Variants in GABRB1 observed in about 807,000 individuals in gnomAD.
GABRB1 encodes gamma-aminobutyric acid type A receptor subunit beta1, also known as gamma-aminobutyric acid receptor subunit beta-1.
A neutral mutation model predicts 51.6 loss-of-function variants in GABRB1; 17 were observed. The observed-to-expected ratio is 0.33, with a 90% confidence interval of 0.23 to 0.49. The LOEUF (loss-of-function observed/expected upper bound fraction) is 0.49, where lower values mean the gene tolerates loss of function less well. Among genes scored for constraint, GABRB1 ranks in the 20% least tolerant of loss-of-function variants. The pLI is 0.99. For synonymous variants in GABRB1, 247 were observed against 218.9 expected (o/e 1.13, Z -1.14); for missense variants, 410 against 600.6 (o/e 0.68, Z 3.32).
At chr4:47,356,541 A>C (rs1726585608) in intron 5 of GABRB1, among the ~76,000 whole-genome samples, 1 of 152,226 alleles carries the variant, frequency 6.6e-6, no homozygotes, top group Admixed American at 6.5e-5. Context: ...GGACAAAATA[A>C]GAAACAGGGA....
chr4:47,151,141 G>C (rs1717427201), intron 3 of GABRB1, among the ~76,000 whole-genome samples: 1 of 151,896 alleles, frequency 6.6e-6, no homozygotes, highest in South Asian at 2.1e-4. Context: ...CTGATATTAA[G>C]GTTTCCAAAT....
chr4:47,388,360 C>T (rs1727872873), intron 5 of GABRB1, among the ~76,000 whole-genome samples: 1 of 152,138 alleles, frequency 6.6e-6, no homozygotes, highest in African/African-American at 2.4e-5. Flanking sequence ...AGAAAAGTCA[C>T]TCTGGGAATT....
intron 4 of GABRB1, among the ~76,000 whole-genome samples, chr4:47,180,175 CA>C (rs575372491): frequency 9.9e-5 from 15 of 151,874 alleles, no homozygotes; most frequent in South Asian, 4.1e-4. Context: ...CACCCTGATA[CA>C]GAGGATGCTC....
chr4:47,372,911 C>T (rs1727249886), intron 5 of GABRB1, among the ~76,000 whole-genome samples: 1 of 152,188 alleles, frequency 6.6e-6, no homozygotes, highest in Non-Finnish European at 1.5e-5. Context: ...TCCTCACTCC[C>T]TCCCCATACT....
In GABRB1 at chr4:47,072,043, G is replaced by GA. The variant is rs60313691; in HGVS notation, c.240+39573dup. ...GTAATCTCTTAGTCATCAGTTAAGGGAAAAAAAAAAAAAACAAGTAGAAGT... is the reference window on the plus strand; with the variant it reads ...GTAATCTCTTAGTCATCAGTTAAGGGAAAAAAAAAAAAAAACAAGTAGAAGT... On this transcript the variant is annotated intron_variant, in intron 3 of 8. Transcript: ENST00000295454. Among the ~76,000 whole-genome samples, 358 of 140,756 alleles carry GA rather than the reference G, an allele frequency of 2.5e-3. 2 individuals are homozygous for GA. The highest frequency in any genetic ancestry group is 0.011 in the Middle Eastern group (3 of 270). The allele number at this position is 140,756 out of a possible 152,430, so 92.3% of individuals were successfully genotyped here.
At chr4:47,196,885 T>C (rs1421070526) in intron 4 of GABRB1, among the ~76,000 whole-genome samples, 2 of 152,248 alleles carry the variant, frequency 1.3e-5, no homozygotes, top group Non-Finnish European at 2.9e-5. Context: ...TCCTTTACTT[T>C]CTTGTCTGTC....
intron 3 of GABRB1, among the ~76,000 whole-genome samples, chr4:47,146,132 G>T (rs188155945): frequency 1.3e-5 from 2 of 152,074 alleles, no homozygotes; most frequent in Admixed American, 1.3e-4. Flanking sequence ...GCTGAACCTT[G>T]ATTTCCACTC....
At chr4:47,325,031 C>T (rs1429707656) in intron 5 of GABRB1, among the ~76,000 whole-genome samples, 5 of 152,226 alleles carry the variant, frequency 3.3e-5, no homozygotes. Flanking sequence ...ACCATTGTAG[C>T]TGCCTTTTAC....
At chr4:47,043,179 T>C (rs1284152217) in intron 3 of GABRB1, 1 of 152,048 alleles carries the variant, frequency 6.6e-6, no homozygotes, top group Non-Finnish European at 1.5e-5. Flanking sequence ...GAGGTTAATA[T>C]TGGCCAACTG....
chr4:47,008,882 T>TTTTTTTTTTTTTTTTTTG (rs1462770909), intron 1 of GABRB1, among the ~76,000 whole-genome samples: 1 of 131,954 alleles, frequency 7.6e-6, no homozygotes, highest in Non-Finnish European at 1.6e-5. Context: ...TTTTTTTTTT[T>TTTTTTTTTTTTTTTTTTG]GAGACGAGTC....
chr4:47,007,066 GGAGGCC>G (rs990698025), intron 1 of GABRB1, among the ~76,000 whole-genome samples: 1 of 152,046 alleles, frequency 6.6e-6, no homozygotes, highest in African/African-American at 2.4e-5. Context: ...CTTGAGCCTA[GGAGGCC>G]GAGGCTGTAG....
rs573114320 is a variant in GABRB1 at position 47,326,170 on chromosome 4, C to T, written c.544+5961C>T. On this transcript the variant is annotated intron_variant, in intron 5 of 8. Coordinates refer to ENST00000295454, the MANE Select transcript of GABRB1 (RefSeq NM_000812.4). The stretch of plus-strand genomic sequence containing the variant: ...TGTATATGCTGTCTATACTTCCTAC[C>T]TATTAATCATTGACACCATCTGCTC... Among the ~76,000 whole-genome samples the T allele has an allele frequency of 2.6e-5, 4 of 152,284 alleles. No individual in the cohort carries two copies. The East Asian group carries it at 7.7e-4, about 29-fold the overall frequency.
chr4:47,201,551 C>G (rs1359411295), intron 4 of GABRB1, among the ~76,000 whole-genome samples: 1 of 151,984 alleles, frequency 6.6e-6, no homozygotes, highest in African/African-American at 2.4e-5. Context: ...TTGTGGTTAC[C>G]TTTTATGAAA....
intron 4 of GABRB1, among the ~76,000 whole-genome samples, chr4:47,196,266 A>G (rs886899347): frequency 1.2e-4 from 19 of 152,258 alleles, no homozygotes; most frequent in African/African-American, 3.6e-4. Context: ...GCTGGGATAT[A>G]CGGTCAGCTT....
chr4:47,377,626 C>T (rs1279620521), intron 5 of GABRB1, among the ~76,000 whole-genome samples: 1 of 152,134 alleles, frequency 6.6e-6, no homozygotes, highest in Non-Finnish European at 1.5e-5. Context: ...CTTTTATTCT[C>T]TTATCTGGCC....
intron 4 of GABRB1, among the ~76,000 whole-genome samples, chr4:47,307,344 T>C (rs1724508847): frequency 6.6e-6 from 1 of 152,072 alleles, no homozygotes. Flanking sequence ...TTTTTAGGGA[T>C]TTATGCTCAC....
intron 1 of GABRB1, among the ~76,000 whole-genome samples, chr4:47,012,952 CA>C (rs1397513634): frequency 6.6e-6 from 1 of 152,186 alleles, no homozygotes; most frequent in Non-Finnish European, 1.5e-5. Context: ...GATTCTGCCA[CA>C]AAAATATAGT....
chr4:47,218,104 T>G (rs550058794), intron 4 of GABRB1, among the ~76,000 whole-genome samples: 4 of 152,026 alleles, frequency 2.6e-5, no homozygotes, highest in Non-Finnish European at 5.9e-5. Flanking sequence ...TTTCTGTGCC[T>G]GGTTTATTTC....
At position 47,119,892 on chromosome 4, in the gene GABRB1, G is replaced by T. The variant is rs562301020; in HGVS notation, c.241-41357G>T. Among the ~76,000 whole-genome samples the T allele has an allele frequency of 5.3e-5, 8 of 151,794 alleles. No homozygotes were observed. The East Asian group carries it at 1.5e-3, about 29-fold the overall frequency. On this transcript the variant is annotated intron_variant, in intron 3 of 8. Coordinates refer to ENST00000295454, the MANE Select transcript of GABRB1 (RefSeq NM_000812.4). ...GAAAAATAGTAACAGATTTTAAAAG[G>T]CTGTTTCAAAAAAAAAAGGGCATGT...
Sources: allele counts gnomAD v4.1 joint callset (sites outside exome capture counted in the v4.1 genomes callset), GRCh38; gene constraint gnomAD v4.1.1; transcripts MANE v1.5; gene names NCBI Gene and HGNC (gene_info 2026-07-23, HGNC 2026-07-21).